Variants in SNTG1 observed in about 807,000 individuals in gnomAD.
The protein encoded by SNTG1 is gamma-1-syntrophin.
SNTG1 carries 39 observed loss-of-function variants against 74.7 expected under a neutral mutation model. The observed-to-expected ratio is 0.52, with a 90% confidence interval of 0.40 to 0.68. The LOEUF (loss-of-function observed/expected upper bound fraction) is 0.68, where lower values mean the gene tolerates loss of function less well. Ranked by LOEUF, SNTG1 falls within the 30% of genes least tolerant of loss-of-function variation. SNTG1 has a pLI of 0.00. For missense variants in SNTG1, 685 were observed against 609.5 expected, an observed-to-expected ratio of 1.12 and a Z score of -1.30; for synonymous variants, 254 against 217.1, an observed-to-expected ratio of 1.17 and a Z score of -1.49.
chr8:50,768,464 A>G (rs2095619196), intron 18 of SNTG1, among the ~76,000 whole-genome samples: 2 of 152,074 alleles, frequency 1.3e-5, no homozygotes, highest in Non-Finnish European at 2.9e-5. Flanking sequence ...TTTCAGAAGA[A>G]GATGGCTGGT....
At chr8:50,226,324 G>A (rs2085326099) in intron 2 of SNTG1, among the ~76,000 whole-genome samples, 1 of 152,104 alleles carries the variant, frequency 6.6e-6, no homozygotes, top group South Asian at 2.1e-4. Context: ...AGACAAGGAA[G>A]AAAATCAAAA....
intron 17 of SNTG1, among the ~76,000 whole-genome samples, chr8:50,736,236 G>T (rs564039263): frequency 6.6e-6 from 1 of 151,732 alleles, no homozygotes; most frequent in Non-Finnish European, 1.5e-5. Context: ...TAACCAGCTA[G>T]CATCATAATG....
In SNTG1 at chr8:50,730,042, A is replaced by G. The variant is rs757156635; in HGVS notation, c.1284+21064A>G. Among the ~76,000 whole-genome samples, 11 of 152,154 alleles carry G rather than the reference A, an allele frequency of 7.2e-5. 1 individual carries two copies. The highest frequency in any genetic ancestry group is 1.5e-4 in the Non-Finnish European group (10 of 68,036). Reference sequence around the variant, plus strand: ...GCTAAAAAGTAGTTGGATAAGAAAAAATGAGAGCGATTGGGAAGAGAAGAT... The same window carrying G: ...GCTAAAAAGTAGTTGGATAAGAAAAGATGAGAGCGATTGGGAAGAGAAGAT... On this transcript the variant is annotated intron_variant, in intron 17 of 18. Transcript: ENST00000642720.
Position 50,792,926 on chromosome 8 carries a change from C to A in SNTG1, c.*97C>A, listed in dbSNP as rs540776502. The stretch of plus-strand genomic sequence containing the variant: ...TAGAGAAACCATAACATCACCAAGT[C>A]GACAGTGGAGGCAAATCAAAATTTC... On this transcript the variant is annotated 3_prime_UTR_variant, in exon 19 of 19. Coordinates refer to ENST00000642720, the MANE Select transcript of SNTG1 (RefSeq NM_018967.5). 2.2e-6 allele frequency: 3 copies of A among 1,337,010 alleles called. No individual in the cohort carries two copies. Among genetic ancestry groups the A allele is most frequent in the Non-Finnish European group, 3.0e-6 (3 of 1,011,728 alleles). The allele number at this position is 1,337,010 out of a possible 1,614,324, so 82.8% of individuals were successfully genotyped here. A position where few individuals can be genotyped will look rare whatever the true frequency, so the allele number is the denominator to read the frequency against.
chr8:50,675,360 T>C (rs1025633395), intron 15 of SNTG1, among the ~76,000 whole-genome samples: 1 of 152,166 alleles, frequency 6.6e-6, no homozygotes, highest in Admixed American at 6.6e-5. Flanking sequence ...TGGGTGCATA[T>C]ATATTTAGGA....
At chr8:50,059,280 T>A (rs1184708755) in intron 1 of SNTG1, among the ~76,000 whole-genome samples, 2 of 152,128 alleles carry the variant, frequency 1.3e-5, no homozygotes, top group Non-Finnish European at 2.9e-5. Context: ...GATTGCCAGA[T>A]TGCATAGCAG....
chr8:50,427,726 C>T (rs908138141), intron 4 of SNTG1, among the ~76,000 whole-genome samples: 5 of 152,192 alleles, frequency 3.3e-5, no homozygotes, highest in African/African-American at 1.2e-4. Context: ...TGCACCCAGC[C>T]TCAAATACAT....
chr8:50,474,838 C>T (rs1340851008), intron 8 of SNTG1, among the ~76,000 whole-genome samples: 1 of 151,822 alleles, frequency 6.6e-6, no homozygotes, highest in Non-Finnish European at 1.5e-5. Flanking sequence ...AAATGTCCAT[C>T]AATGATAGAC....
intron 1 of SNTG1, among the ~76,000 whole-genome samples, chr8:50,053,040 C>G (rs1259236949): frequency 3.9e-5 from 6 of 152,144 alleles, no homozygotes; most frequent in Non-Finnish European, 8.8e-5. Flanking sequence ...CTCATGTGAC[C>G]CAGTAACTCC....
intron 17 of SNTG1, among the ~76,000 whole-genome samples, chr8:50,741,853 T>C (rs1002551380): frequency 2.0e-5 from 3 of 151,910 alleles, no homozygotes; most frequent in Non-Finnish European, 4.4e-5. Context: ...TGGTTACCAG[T>C]GATTGTGGGA....
intron 4 of SNTG1, among the ~76,000 whole-genome samples, chr8:50,425,465 A>G (rs995743895): frequency 5.9e-5 from 9 of 152,126 alleles, no homozygotes; most frequent in African/African-American, 1.9e-4. Flanking sequence ...TCACCCCCAG[A>G]TGGGACCACC....
At chr8:50,566,173 TAAAAG>T (rs531063540) in intron 12 of SNTG1, among the ~76,000 whole-genome samples, 11 of 152,070 alleles carry the variant, frequency 7.2e-5, no homozygotes, top group Admixed American at 3.9e-4. Flanking sequence ...CCTTGCTTAA[TAAAAG>T]AAAAGGCTAT....
At chr8:50,644,103 T>C (rs1444316496) in intron 13 of SNTG1, 1 of 152,136 alleles carries the variant, frequency 6.6e-6, no homozygotes, top group Non-Finnish European at 1.5e-5. Context: ...GAGTAAACAG[T>C]GGTTGCAGTG....
intron 2 of SNTG1, among the ~76,000 whole-genome samples, chr8:50,216,813 T>C (rs2084811428): frequency 6.6e-6 from 1 of 152,048 alleles, no homozygotes; most frequent in Admixed American, 6.6e-5. Context: ...TGTAACTTAG[T>C]GAATGATTTT....
At chr8:50,036,184 A>G (rs906505830) in intron 1 of SNTG1, among the ~76,000 whole-genome samples, 2 of 152,206 alleles carry the variant, frequency 1.3e-5, no homozygotes, top group South Asian at 2.1e-4. Flanking sequence ...CATTTCACAG[A>G]TAGGCTTTGA....
intron 1 of SNTG1, among the ~76,000 whole-genome samples, chr8:49,971,872 A>T (rs530815646): frequency 1.3e-5 from 2 of 152,302 alleles, no homozygotes; most frequent in African/African-American, 4.8e-5. Context: ...AAGAGGATAC[A>T]AAGAAATGGA....
At chr8:50,265,062 A>C (rs2087395086) in intron 2 of SNTG1, among the ~76,000 whole-genome samples, 2 of 152,132 alleles carry the variant, frequency 1.3e-5, no homozygotes, top group Admixed American at 1.3e-4. Context: ...TTTAAAGAAA[A>C]ATTTACATAA....
chr8:50,146,140 T>A (rs1318550311), intron 1 of SNTG1, among the ~76,000 whole-genome samples: 1 of 152,040 alleles, frequency 6.6e-6, no homozygotes, highest in Non-Finnish European at 1.5e-5. Context: ...CTAAAGAGTA[T>A]CCAATTTGTG....
rs565393630 is a variant in SNTG1 at position 50,501,996 on chromosome 8, A to AT, written c.364-774dup. 2.5e-3 allele frequency among the ~76,000 whole-genome samples: 377 copies of AT among 151,764 alleles called. 2 individuals are homozygous for AT. Among genetic ancestry groups the AT allele is most frequent in the African/African-American group, 8.5e-3 (351 of 41,420 alleles). ...AACTCTTCAACTTCTTGTTCTTTTA[A>AT]TTTTTTTTAAATTTTAAAATTTGCA... On this transcript the variant is annotated intron_variant, in intron 8 of 18. Coordinates refer to ENST00000642720, the MANE Select transcript of SNTG1 (RefSeq NM_018967.5).
Sources: gnomAD v4.1 joint callset for allele counts (sites outside exome capture counted in the v4.1 genomes callset) on GRCh38, gnomAD v4.1.1 for gene constraint, MANE v1.5 for transcripts, NCBI Gene and HGNC (gene_info 2026-07-23, HGNC 2026-07-21) for gene names.